The following MGAT4C variants were observed in gnomAD, a reference collection of about 807,000 sequenced individuals.
MGAT4C encodes the protein alpha-1,3-mannosyl-glycoprotein 4-beta-N-acetylglucosaminyltransferase C.
In MGAT4C, 19 loss-of-function variants were observed where a neutral mutation model predicts 40.1. The observed-to-expected ratio is 0.47, with a 90% CI of 0.33 to 0.70. The LOEUF is 0.70. Among genes scored for constraint, MGAT4C ranks in the 30% least tolerant of loss-of-function variants. The probability of loss-of-function intolerance (pLI) is 0.02; values close to 1 mark genes in which losing one functional copy is unlikely to be tolerated. For missense variants in MGAT4C, 491 were observed against 563.2 expected (o/e 0.87, Z 1.30); for synonymous variants, 181 against 187.1 (o/e 0.97, Z 0.27).
At chr12:86,024,076 A>G (rs1890033113) in intron 2 of MGAT4C, among the ~76,000 whole-genome samples, 1 of 151,928 alleles carries the variant, frequency 6.6e-6, no homozygotes, top group South Asian at 2.1e-4. Context: ...TAGTGATAGT[A>G]TGCATTTTGT....
chr12:86,534,633 T>C lies in MGAT4C; in HGVS notation c.-228-99368A>G, dbSNP rs141936730. On this transcript the variant is annotated intron_variant, in intron 2 of 7. Coordinates refer to the MGAT4C transcript ENST00000548651. ...TTTCCTTTAAATAGGCCAGGAGAAATTGAATAATTGCCCATAGTTACAGAA... is the reference window on the plus strand; with the variant it reads ...TTTCCTTTAAATAGGCCAGGAGAAACTGAATAATTGCCCATAGTTACAGAA... Among the ~76,000 whole-genome samples, 10 of 152,264 alleles carry C rather than the reference T, an allele frequency of 6.6e-5. No individual in the cohort carries two copies. The East Asian group carries it at 1.7e-3, about 26-fold the overall frequency.
At chr12:86,209,462 G>C (rs1277671705) in intron 1 of MGAT4C, among the ~76,000 whole-genome samples, 2 of 152,092 alleles carry the variant, frequency 1.3e-5, no homozygotes, top group African/African-American at 4.8e-5. Context: ...TTTTGACACA[G>C]TTATCTTTCA....
At position 86,496,750 on chromosome 12, in the gene MGAT4C, C is replaced by T. The variant is rs543287119; in HGVS notation, c.-228-61485G>A. On this transcript the variant is annotated intron_variant, in intron 2 of 7. Transcript: ENST00000548651. ...ATGAAAAACACTTCTATAATTGGCTCAGTGTAATTGAGCTCACCATTCAGC... is the reference window on the plus strand; with the variant it reads ...ATGAAAAACACTTCTATAATTGGCTTAGTGTAATTGAGCTCACCATTCAGC... 3.3e-5 allele frequency among the ~76,000 whole-genome samples: 5 copies of T among 152,040 alleles called. No homozygotes were observed. The South Asian group carries it at 6.2e-4, about 19-fold the overall frequency.
chr12:86,510,805 T>C (rs1215329659), intron 2 of MGAT4C, among the ~76,000 whole-genome samples: 1 of 152,112 alleles, frequency 6.6e-6, no homozygotes. Context: ...CCTAAATATA[T>C]ATGCACCCAA....
chr12:86,062,600 T>C (rs528039463), intron 1 of MGAT4C, among the ~76,000 whole-genome samples: 1 of 152,032 alleles, frequency 6.6e-6, no homozygotes, highest in East Asian at 1.9e-4. Flanking sequence ...GAGCATGTTC[T>C]AACCCAATGT....
At chr12:86,201,480 CATA>C (rs1284491353) in intron 1 of MGAT4C, among the ~76,000 whole-genome samples, 1 of 148,726 alleles carries the variant, frequency 6.7e-6, no homozygotes, top group African/African-American at 2.4e-5. Flanking sequence ...TTCATATTTA[CATA>C]ATATAAAATA....
chr12:86,020,028 T>C (rs536063339), intron 2 of MGAT4C, among the ~76,000 whole-genome samples: 224 of 152,222 alleles, frequency 1.5e-3, no homozygotes, highest in Non-Finnish European at 2.8e-3. Context: ...TTGTGATTTT[T>C]GCACATTGAT....
At chr12:86,629,016 T>C (rs58920773) in intron 2 of MGAT4C, among the ~76,000 whole-genome samples, 19,761 of 151,792 alleles carry the variant, frequency 0.13, 1,995 homozygotes, top group African/African-American at 0.28. Context: ...ACCCATTTCA[T>C]ATGCAGAGAC....
chr12:86,346,801 C>T (rs976101464), intron 3 of MGAT4C, among the ~76,000 whole-genome samples: 10 of 151,994 alleles, frequency 6.6e-5, no homozygotes, highest in African/African-American at 9.7e-5. Context: ...ATAGGCAGAC[C>T]GATCCTCAAT....
At chr12:86,464,462 G>T (rs1565779892) in intron 2 of MGAT4C, among the ~76,000 whole-genome samples, 2 of 152,082 alleles carry the variant, frequency 1.3e-5, no homozygotes, top group Non-Finnish European at 2.9e-5. Context: ...GCTTATATTT[G>T]ATTGTAACCT....
chr12:86,795,287 G>C (rs1338176696), intron 1 of MGAT4C, among the ~76,000 whole-genome samples: 1 of 151,724 alleles, frequency 6.6e-6, no homozygotes, highest in Non-Finnish European at 1.5e-5. Context: ...AGAAAGAGTG[G>C]AGAAAAATAA....
rs193286635 is a variant in MGAT4C, at chr12:86,129,281, C to A, written c.-56-79558G>T. 2.6e-5 allele frequency among the ~76,000 whole-genome samples: 4 copies of A among 152,230 alleles called. No homozygotes were observed. In the East Asian group the frequency reaches 7.7e-4, roughly 29 times the overall value. On this transcript the variant is annotated intron_variant, in intron 1 of 4. Coordinates refer to ENST00000611864, the MANE Select transcript of MGAT4C (RefSeq NM_001351288.2). Reference sequence around the variant, plus strand: ...ATATTACAGAAGTGAGAAACAAAGACAGTTATTCAATTAAGACATGCATTA... The same window carrying A: ...ATATTACAGAAGTGAGAAACAAAGAAAGTTATTCAATTAAGACATGCATTA...
intron 2 of MGAT4C, among the ~76,000 whole-genome samples, chr12:86,020,932 T>C (rs1307888376): frequency 6.6e-6 from 1 of 152,088 alleles, no homozygotes; most frequent in Admixed American, 6.5e-5. Flanking sequence ...GCAGAGGATA[T>C]GAACAGACAC....
chr12:86,738,247 A>G (rs1459754077), intron 1 of MGAT4C, among the ~76,000 whole-genome samples: 2 of 151,256 alleles, frequency 1.3e-5, no homozygotes, highest in African/African-American at 2.4e-5. Flanking sequence ...TCTCACACAT[A>G]TTTGTTTTCC....
intron 1 of MGAT4C, among the ~76,000 whole-genome samples, chr12:86,763,993 G>A (rs1355728095): frequency 1.3e-5 from 2 of 152,096 alleles, no homozygotes; most frequent in Non-Finnish European, 2.9e-5. Context: ...ATATCACTAG[G>A]GAGTGCCAGA....
intron 1 of MGAT4C, among the ~76,000 whole-genome samples, chr12:86,094,842 C>A (rs953134309): frequency 6.6e-6 from 1 of 152,026 alleles, no homozygotes; most frequent in Non-Finnish European, 1.5e-5. Flanking sequence ...GTCTCTGAAT[C>A]CTTCTAACTT....
At chr12:86,145,434 T>A (rs1883387995) in intron 1 of MGAT4C, among the ~76,000 whole-genome samples, 1 of 152,154 alleles carries the variant, frequency 6.6e-6, no homozygotes, top group Non-Finnish European at 1.5e-5. Flanking sequence ...CTAAGCAACA[T>A]AATTACCAAC....
In MGAT4C at chr12:86,727,020, A is replaced by G. The variant is rs2702780; in HGVS notation, c.-229+189T>C. 3.8e-3 allele frequency among the ~76,000 whole-genome samples: 577 copies of G among 152,276 alleles called. 1 individual carries two copies. The highest frequency in any genetic ancestry group is 6.5e-3 in the Non-Finnish European group (439 of 67,966). On this transcript the variant is annotated intron_variant, in intron 2 of 7. Transcript: ENST00000548651. ...TAAGTTAAACATATTGAAAGGCTCT[A>G]TTGTAATCACATCTTCAAATGTATG...
chr12:86,388,675 G>GTTTTTTTTTTT (rs752469980), intron 3 of MGAT4C, among the ~76,000 whole-genome samples: 3 of 98,728 alleles, frequency 3.0e-5, no homozygotes, highest in African/African-American at 9.6e-5. Flanking sequence ...AGCGTTTTTT[G>GTTTTTTTTTTT]TTTTTTTTTT....
Sources: allele counts gnomAD v4.1 joint callset (sites outside exome capture counted in the v4.1 genomes callset), GRCh38; gene constraint gnomAD v4.1.1; transcripts MANE v1.5; gene names NCBI Gene and HGNC (gene_info 2026-07-23, HGNC 2026-07-21).